Variants in DAB2IP observed in about 807,000 individuals in gnomAD.
DAB2IP encodes disabled homolog 2-interacting protein.
DAB2IP carries 28 observed loss-of-function variants against 107.2 expected under a neutral mutation model. The observed-to-expected ratio is 0.26, with a 90% confidence interval of 0.19 to 0.36. The LOEUF (loss-of-function observed/expected upper bound fraction) is 0.36, where lower values mean the gene tolerates loss of function less well. Among genes scored for constraint, DAB2IP ranks in the 10% least tolerant of loss-of-function variants. The pLI is 1.00. For missense variants in DAB2IP, 1,400 were observed against 1,644.7 expected (o/e 0.85, Z 2.57); for synonymous variants, 755 against 706.4 (o/e 1.07, Z -1.09).
At chr9:121,780,850 C>T (rs961921231) in intron 14 of DAB2IP, among the ~76,000 whole-genome samples, 1 of 152,188 alleles carries the variant, frequency 6.6e-6, no homozygotes, top group Non-Finnish European at 1.5e-5. Flanking sequence ...GCCTGCACAC[C>T]TGTCCTTCAG....
intron 3 of DAB2IP, among the ~76,000 whole-genome samples, chr9:121,721,907 G>A (rs954098466): frequency 4.6e-5 from 7 of 152,198 alleles, no homozygotes; most frequent in African/African-American, 1.4e-4. Context: ...AGTGAGGGGC[G>A]GAACTGATGG....
Position 121,694,786 on chromosome 9 carries a change from C to T in DAB2IP, c.229-4539C>T, listed in dbSNP as rs998369613. Among the ~76,000 whole-genome samples, 16 of 152,184 alleles carry T rather than the reference C, an allele frequency of 1.1e-4. No homozygotes were observed. The East Asian group carries it at 1.4e-3, about 13-fold the overall frequency. ...GCAATGGGCCATCCACAGAGAGGGG[C>T]GGGGGCTACACAGCTATCCACGCCC... is the stretch of plus-strand genomic sequence containing the variant. On this transcript the variant is annotated intron_variant, in intron 2 of 15. Transcript: ENST00000408936.
At chr9:121,737,082 G>C (rs1349154493) in intron 3 of DAB2IP, 14 of 675,914 alleles carry the variant, frequency 2.1e-5, no homozygotes, top group Non-Finnish European at 2.4e-5. Context: ...AGGCCCAGAG[G>C]CGGGGCTTGG....
In DAB2IP at chr9:121,699,573, C is replaced by G. The variant is rs1390703959; in HGVS notation, c.362+115C>G. ...GGCGAGCCACACGGCGGTGGGGGGA[C>G]CCCACGCCGCCCGCCGGGAACTTAT... On this transcript the variant is annotated intron_variant, in intron 3 of 15. Transcript: ENST00000408936. This position sits in a 1 kb window ranked among gnomAD's most constrained non-coding sequence, Gnocchi z 6.2. The G allele has an allele frequency of 3.2e-6, 3 of 941,078 alleles. No individual in the cohort carries two copies. Among genetic ancestry groups the G allele is most frequent in the Non-Finnish European group, 2.7e-6 (2 of 754,250 alleles). 58.3% of individuals were successfully genotyped at this position (941,078 alleles called of 1,614,324 possible).
At chr9:121,767,093 C>T (rs1244857162) in intron 9 of DAB2IP, among the ~76,000 whole-genome samples, 1 of 152,208 alleles carries the variant, frequency 6.6e-6, no homozygotes, top group Admixed American at 6.5e-5. Context: ...GGGGGACTGG[C>T]CCATATTTCC....
intron 1 of DAB2IP, among the ~76,000 whole-genome samples, chr9:121,602,726 C>T (rs1023249599): frequency 1.3e-5 from 2 of 152,150 alleles, no homozygotes; most frequent in Non-Finnish European, 2.9e-5. Context: ...CAGGCGCCCG[C>T]CACCACGCCC....
intron 3 of DAB2IP, among the ~76,000 whole-genome samples, chr9:121,711,192 G>A (rs1178737324): frequency 6.6e-5 from 10 of 152,086 alleles, no homozygotes; most frequent in African/African-American, 1.7e-4. Flanking sequence ...GTGTTTTCCC[G>A]AACTGGGTTC....
At position 121,782,581 on chromosome 9, in the gene DAB2IP, A is replaced by G. The variant is rs1277039636; in HGVS notation, c.*83A>G. 2.6e-6 allele frequency: 4 copies of G among 1,559,196 alleles called. No homozygotes were observed. Among genetic ancestry groups the G allele is most frequent in the African/African-American group, 2.7e-5 (2 of 73,976 alleles). Reference sequence around the variant, plus strand: ...AGGGTCTCGGCCTGGGGAGGCACCCACGGTTGCAGCCCCAGCGCGGGTGTC... The same window carrying G: ...AGGGTCTCGGCCTGGGGAGGCACCCGCGGTTGCAGCCCCAGCGCGGGTGTC... On this transcript the variant is annotated 3_prime_UTR_variant, in exon 16 of 16. Coordinates refer to ENST00000408936, the Ensembl canonical transcript of DAB2IP. This position sits in a 1 kb window ranked among gnomAD's most constrained non-coding sequence, Gnocchi z 6.1.
exon 16 of DAB2IP, chr9:121,785,006 G>C (rs566038993): frequency 6.5e-6 from 1 of 152,832 alleles, no homozygotes; most frequent in East Asian, 1.9e-4. Context: ...GGGCCCCCTG[G>C]TCACCGAGAC....
intron 2 of DAB2IP, among the ~76,000 whole-genome samples, chr9:121,688,741 C>T (rs1321593080): frequency 1.3e-5 from 2 of 152,240 alleles, no homozygotes; most frequent in Non-Finnish European, 2.9e-5. Context: ...GGCAAGGACT[C>T]ACCTGTGGCA....
chr9:121,664,935 T>C (rs974749113), intron 1 of DAB2IP, among the ~76,000 whole-genome samples: 3 of 152,246 alleles, frequency 2.0e-5, no homozygotes, highest in South Asian at 2.1e-4. Context: ...CAGGATCTTA[T>C]ATACAGTCTG....
intron 1 of DAB2IP, among the ~76,000 whole-genome samples, chr9:121,630,533 ATT>A (rs1554716325): frequency 3.4e-5 from 5 of 146,924 alleles, no homozygotes; most frequent in Non-Finnish European, 4.5e-5. Flanking sequence ...TCATAAAAAA[ATT>A]TTTTTTTTTT....
chr9:121,764,270 A>G (rs1430960228), intron 8 of DAB2IP, among the ~76,000 whole-genome samples: 1 of 152,118 alleles, frequency 6.6e-6, no homozygotes, highest in East Asian at 1.9e-4. Flanking sequence ...CAGCCTTGTG[A>G]TGGGGCCAAG....
intron 1 of DAB2IP, among the ~76,000 whole-genome samples, chr9:121,585,775 G>C (rs1416816352): frequency 6.6e-6 from 1 of 151,978 alleles, no homozygotes; most frequent in Middle Eastern, 3.2e-3. Context: ...GATCACATGA[G>C]ACCAGGAAGC....
At chr9:121,766,534 A>T in exon 9 of DAB2IP, 1 of 1,611,748 alleles carries the variant, frequency 6.2e-7, no homozygotes, top group Non-Finnish European at 8.5e-7. Flanking sequence ...TGCCTCGTGG[A>T]GGCAGGAGTG....
At position 121,671,423 on chromosome 9, in the gene DAB2IP, C is replaced by T. The variant is rs180826971; in HGVS notation, c.125-7255C>T. ...TTTCCCATCTCAAAATCCTTAACCT[C>T]AACCACATCTGCCAAGTTCCTTTTG... On this transcript the variant is annotated intron_variant, in intron 1 of 15. Coordinates refer to ENST00000408936, the Ensembl canonical transcript of DAB2IP. Among the ~76,000 whole-genome samples the T allele has an allele frequency of 5.9e-5, 9 of 152,346 alleles. No individual in the cohort carries two copies. In the East Asian group the frequency reaches 1.7e-3, roughly 29 times the overall value.
At chr9:121,774,126 C>T in intron 12 of DAB2IP, 134 bp from the exon 13 acceptor site, 1 of 1,032,418 alleles carries the variant, frequency 9.7e-7, no homozygotes, top group Non-Finnish European at 1.3e-6. Flanking sequence ...TCGGTAGGCG[C>T]TCAGTCAGCT....
chr9:121,616,534 G>A (rs182232719), intron 1 of DAB2IP, among the ~76,000 whole-genome samples: 7 of 152,318 alleles, frequency 4.6e-5, no homozygotes, highest in Middle Eastern at 3.4e-3. Context: ...GTTGGTGACA[G>A]GGATGGAACA....
chr9:121,622,512 G>A (rs993503279), intron 1 of DAB2IP, among the ~76,000 whole-genome samples: 17 of 152,118 alleles, frequency 1.1e-4, no homozygotes, highest in African/African-American at 1.7e-4. Flanking sequence ...TCACTGTCTC[G>A]AAGGTTACGT....
Sources: gnomAD v4.1 joint callset for allele counts (sites outside exome capture counted in the v4.1 genomes callset) on GRCh38, gnomAD v4.1.1 for gene constraint, Gnocchi (gnomAD v3.1) non-coding constraint, MANE v1.5 for transcripts, NCBI Gene and HGNC (gene_info 2026-07-23, HGNC 2026-07-21) for gene names.